SLC35F1: variants seen among roughly 807,000 people sequenced by gnomAD.
SLC35F1 encodes the protein chromosome 6 open reading frame 169.
In SLC35F1, 14 loss-of-function variants were observed where a neutral mutation model predicts 48.7. That is an observed-to-expected ratio of 0.29 (90% CI 0.19 to 0.45). The LOEUF is 0.45. SLC35F1 is among the 20% of genes least tolerant of loss of function. The pLI is 1.00. For missense variants in SLC35F1, 404 were observed against 500.0 expected, an observed-to-expected ratio of 0.81 and a Z score of 1.83; for synonymous variants, 190 against 202.2, an observed-to-expected ratio of 0.94 and a Z score of 0.51.
At chr6:117,976,712 C>T (rs1223958443) in intron 1 of SLC35F1, among the ~76,000 whole-genome samples, 2 of 152,092 alleles carry the variant, frequency 1.3e-5, no homozygotes, top group African/African-American at 4.8e-5. Context: ...TAGTTCTGCT[C>T]ATTTTCTCCC....
intron 1 of SLC35F1, among the ~76,000 whole-genome samples, chr6:118,149,965 A>T (rs1774031133): frequency 6.6e-6 from 1 of 152,214 alleles, no homozygotes; most frequent in Non-Finnish European, 1.5e-5. Context: ...GCACTCAATC[A>T]GGACACACAG....
At chr6:118,218,784 AGT>A (rs895955307) in intron 2 of SLC35F1, among the ~76,000 whole-genome samples, 4 of 152,196 alleles carry the variant, frequency 2.6e-5, no homozygotes, top group Non-Finnish European at 5.9e-5. Flanking sequence ...ACTAACCTCA[AGT>A]CCTGGAAATG....
rs1484796724 is a variant in SLC35F1, at chr6:118,058,688, T to A, written c.174-95757T>A. 3.9e-5 allele frequency among the ~76,000 whole-genome samples: 6 copies of A among 152,312 alleles called. No individual in the cohort carries two copies. In the South Asian group the frequency reaches 1.2e-3, roughly 32 times the overall value. ...TTTTTCTTTCTAATAAATCTTTGCT[T>A]TGCTGTTTTTCTGTTTTCCTCTGAT... On this transcript the variant is annotated intron_variant, in intron 1 of 7. Coordinates refer to ENST00000360388, the MANE Select transcript of SLC35F1 (RefSeq NM_001029858.4).
At chr6:117,926,983 A>G (rs1215038319) in intron 1 of SLC35F1, among the ~76,000 whole-genome samples, 1 of 152,164 alleles carries the variant, frequency 6.6e-6, no homozygotes, top group Non-Finnish European at 1.5e-5. Context: ...CATAAGAGAA[A>G]TGTGAATTGA....
chr6:117,990,802 G>A (rs1776907241), intron 1 of SLC35F1, among the ~76,000 whole-genome samples: 1 of 151,456 alleles, frequency 6.6e-6, no homozygotes, highest in African/African-American at 2.4e-5. Context: ...AGAGATGAGA[G>A]AAGACCCAGA....
chr6:118,108,104 C>A (rs1444415197), intron 1 of SLC35F1, among the ~76,000 whole-genome samples: 1 of 152,076 alleles, frequency 6.6e-6, no homozygotes, highest in Non-Finnish European at 1.5e-5. Flanking sequence ...GATTGATAGT[C>A]TATGTCTACT....
chr6:118,206,946 TA>T (rs140318212), intron 2 of SLC35F1, among the ~76,000 whole-genome samples: 35 of 151,628 alleles, frequency 2.3e-4, no homozygotes, highest in Non-Finnish European at 5.0e-4. Context: ...TCTTAGTGTT[TA>T]AAAAAAAATA....
At chr6:117,971,237 G>T (rs1469388337) in intron 1 of SLC35F1, among the ~76,000 whole-genome samples, 12 of 152,192 alleles carry the variant, frequency 7.9e-5, no homozygotes. Flanking sequence ...AAACCTTCAA[G>T]TTCCAAAATA....
At chr6:118,211,040 A>T (rs1031971614) in intron 2 of SLC35F1, among the ~76,000 whole-genome samples, 2 of 152,176 alleles carry the variant, frequency 1.3e-5, no homozygotes, top group African/African-American at 4.8e-5. Flanking sequence ...TAAAGAAGGG[A>T]TTAGAACACG....
intron 1 of SLC35F1, among the ~76,000 whole-genome samples, chr6:118,100,315 A>G (rs1773237812): frequency 6.6e-6 from 1 of 152,064 alleles, no homozygotes; most frequent in Admixed American, 6.6e-5. Context: ...AAAACTACCC[A>G]TAGTTAGCCA....
chr6:117,923,720 T>TATATGTACATATATAC lies in SLC35F1; in HGVS notation c.173+15825_173+15826insGTACATATATACATAT. ...ATATACATATATGTACATATATACA[T>TATATGTACATATATAC]ATATACATATGTATATATACATATA... is the stretch of plus-strand genomic sequence containing the variant. On this transcript the variant is annotated intron_variant, in intron 1 of 7. Coordinates refer to ENST00000360388, the MANE Select transcript of SLC35F1 (RefSeq NM_001029858.4). 3.1e-3 allele frequency among the ~76,000 whole-genome samples: 18 copies of TATATGTACATATATAC among 5,880 alleles called. 4 individuals carry two copies. The highest frequency in any genetic ancestry group is 0.01 in the African/African-American group (16 of 1,554). The allele number at this position is 5,880 out of a possible 152,430, so 3.9% of individuals were successfully genotyped here.
At position 118,146,202 on chromosome 6, in the gene SLC35F1, T is replaced by C. The variant is rs148879680; in HGVS notation, c.174-8243T>C. Among the ~76,000 whole-genome samples the C allele has an allele frequency of 5.9e-3, 893 of 152,286 alleles. 4 individuals carry two copies. Among genetic ancestry groups the C allele is most frequent in the Middle Eastern group, 0.014 (4 of 294 alleles). ...CTTGCCTCTTACTGAAACTCTTTTT[T>C]TAGCCATAATAAAAGCAGGATTTGT... On this transcript the variant is annotated intron_variant, in intron 1 of 7. Transcript: ENST00000360388.
At chr6:118,226,523 C>T (rs913605684) in intron 2 of SLC35F1, among the ~76,000 whole-genome samples, 1 of 151,218 alleles carries the variant, frequency 6.6e-6, no homozygotes, top group Non-Finnish European at 1.5e-5. Context: ...TATTATTCAG[C>T]CACTAAAAGG....
intron 1 of SLC35F1, among the ~76,000 whole-genome samples, chr6:118,137,715 A>G (rs1255758267): frequency 6.6e-6 from 1 of 152,056 alleles, no homozygotes; most frequent in Non-Finnish European, 1.5e-5. Context: ...CTTAGGATAC[A>G]CCTTTCCTAA....
Position 117,949,121 on chromosome 6 carries a change from G to A in SLC35F1, c.173+41222G>A, listed in dbSNP as rs528459033. ...ATGATACAGTATTTATCCAATTTTT[G>A]CAGATATGTGTCCTGAGGCATGGAA... is the stretch of plus-strand genomic sequence containing the variant. On this transcript the variant is annotated intron_variant, in intron 1 of 7. Coordinates refer to ENST00000360388, the MANE Select transcript of SLC35F1 (RefSeq NM_001029858.4). Among the ~76,000 whole-genome samples, 14 of 152,210 alleles carry A rather than the reference G, an allele frequency of 9.2e-5. No individual in the cohort carries two copies. The South Asian group carries it at 2.9e-3, about 32-fold the overall frequency.
At chr6:118,081,973 T>G (rs938079204) in intron 1 of SLC35F1, among the ~76,000 whole-genome samples, 1 of 152,246 alleles carries the variant, frequency 6.6e-6, no homozygotes, top group African/African-American at 2.4e-5. Context: ...GAATGAAAAT[T>G]TCCGTTAATC....
chr6:118,273,314 T>C lies in SLC35F1; in HGVS notation c.638-2145T>C, dbSNP rs759234858. Among the ~76,000 whole-genome samples the C allele has an allele frequency of 2.1e-4, 32 of 152,200 alleles. 1 individual carries two copies. Among genetic ancestry groups the C allele is most frequent in the Admixed American group, 1.2e-3 (19 of 15,286 alleles). On this transcript the variant is annotated intron_variant, in intron 4 of 7. Transcript: ENST00000360388. ...CTTTTTAGGACTTTTAAAAGGTAGA[T>C]TGATGCTTCCCTAATTTCTATTAAA...
At chr6:118,022,969 A>G (rs1264730753) in intron 1 of SLC35F1, among the ~76,000 whole-genome samples, 3 of 151,988 alleles carry the variant, frequency 2.0e-5, no homozygotes, top group Non-Finnish European at 4.4e-5. Flanking sequence ...CGTGTTAGCC[A>G]TGATGGTCTC....
At chr6:118,178,404 C>A (rs1774524599) in intron 2 of SLC35F1, among the ~76,000 whole-genome samples, 1 of 152,108 alleles carries the variant, frequency 6.6e-6, no homozygotes, top group African/African-American at 2.4e-5. Flanking sequence ...GTATTCAATG[C>A]AGCTGACCAT....
Sources: allele counts gnomAD v4.1 joint callset (sites outside exome capture counted in the v4.1 genomes callset), GRCh38; gene constraint gnomAD v4.1.1; transcripts MANE v1.5; gene names NCBI Gene and HGNC (gene_info 2026-07-23, HGNC 2026-07-21).